The following OXSR1 variants were observed in gnomAD, a reference collection of about 807,000 sequenced individuals.
OXSR1 encodes the protein serine/threonine-protein kinase OSR1.
Under a neutral mutation model 79.8 loss-of-function variants are expected in OXSR1, and 24 were observed. That is an observed-to-expected ratio of 0.30 (90% CI 0.22 to 0.42). The LOEUF (loss-of-function observed/expected upper bound fraction) is 0.42, where lower values mean the gene tolerates loss of function less well. Ranked by LOEUF, OXSR1 falls within the 10% of genes least tolerant of loss-of-function variation. The pLI is 1.00. For synonymous variants in OXSR1, 226 were observed against 209.2 expected (o/e 1.08, Z -0.69); for missense variants, 430 against 618.4 (o/e 0.70, Z 3.23).
At chr3:38,220,422 C>T (rs1180649957) in intron 5 of OXSR1, among the ~76,000 whole-genome samples, 1 of 151,906 alleles carries the variant, frequency 6.6e-6, no homozygotes, top group Non-Finnish European at 1.5e-5. Flanking sequence ...TGGACAAATA[C>T]AGACTCATTT....
chr3:38,210,250 A>G (rs572682530), intron 4 of OXSR1, among the ~76,000 whole-genome samples: 23 of 152,180 alleles, frequency 1.5e-4, no homozygotes, highest in African/African-American at 5.5e-4. Flanking sequence ...TGGGCTATCA[A>G]CTGCACAAGT....
chr3:38,192,181 A>G (rs1489183881), intron 3 of OXSR1, among the ~76,000 whole-genome samples: 1 of 152,156 alleles, frequency 6.6e-6, no homozygotes, highest in Admixed American at 6.5e-5. Context: ...GTTATACTCT[A>G]TTCTTTTTGA....
intron 3 of OXSR1, among the ~76,000 whole-genome samples, chr3:38,195,547 A>T (rs939879553): frequency 1.3e-5 from 2 of 152,252 alleles, no homozygotes; most frequent in Non-Finnish European, 2.9e-5. Context: ...TAACTGTAGT[A>T]GCTAAAGATT....
rs188228722 is a variant in OXSR1 at position 38,180,439 on chromosome 3, A to G, written c.71-2564A>G. ...CTATATACAGACTTTTGTGCCTGGC[A>G]TCCCTTAGTATGTTTTCATAATGCA... On this transcript the variant is annotated intron_variant, in intron 1 of 17. Coordinates refer to ENST00000311806, the MANE Select transcript of OXSR1 (RefSeq NM_005109.3). Among the ~76,000 whole-genome samples, 6 of 151,596 alleles carry G rather than the reference A, an allele frequency of 4.0e-5. No homozygotes were observed. In the East Asian group the frequency reaches 1.2e-3, roughly 29 times the overall value.
intron 1 of OXSR1, among the ~76,000 whole-genome samples, chr3:38,175,214 A>G (rs1405572416): frequency 6.6e-6 from 1 of 152,238 alleles, no homozygotes; most frequent in Non-Finnish European, 1.5e-5. Context: ...ATGGCTGGGC[A>G]CAATTTAGGA....
chr3:38,204,592 G>T (rs918528484), intron 4 of OXSR1, among the ~76,000 whole-genome samples: 1 of 151,672 alleles, frequency 6.6e-6, no homozygotes, highest in Non-Finnish European at 1.5e-5. Context: ...TTAAGGCAAT[G>T]AGTTCCCTTC....
Position 38,252,335 on chromosome 3 carries a change from T to C in OXSR1, c.1452T>C (p.Ala484=). 6.2e-7 allele frequency: 1 copy of C among 1,607,570 alleles called. No homozygotes were observed. ...CTGTTTGTATGATTACAGTGGCAGC[T>C]AATTTGCAGAAAATTGTGGAAGAAC... ...VDGRDLVIVA[A]NLQKIVEEPQ... The change falls in exon 17 of 18, where the codon GCT becomes GCC. Residue 484 remains alanine (A), a synonymous_variant. Coordinates refer to ENST00000311806, the MANE Select transcript of OXSR1 (RefSeq NM_005109.3).
intron 11 of OXSR1, among the ~76,000 whole-genome samples, chr3:38,240,109 G>A (rs1575368947): frequency 6.6e-6 from 1 of 152,162 alleles, no homozygotes. Flanking sequence ...TAACTGTACT[G>A]AAGGGGAATA....
chr3:38,250,256 T>C, intron 15 of OXSR1: 1 of 443,856 alleles, frequency 2.3e-6, no homozygotes, highest in East Asian at 4.3e-5. Flanking sequence ...TACAGCTTAC[T>C]ATAGGCCAGG....
At chr3:38,234,010 A>G (rs1702867463) in intron 10 of OXSR1, among the ~76,000 whole-genome samples, 1 of 152,212 alleles carries the variant, frequency 6.6e-6, no homozygotes, top group Non-Finnish European at 1.5e-5. Flanking sequence ...CTAAAGAATC[A>G]TCATCTTCAA....
chr3:38,230,905 C>T (rs900565633), intron 10 of OXSR1, among the ~76,000 whole-genome samples: 6 of 152,186 alleles, frequency 3.9e-5, no homozygotes, highest in African/African-American at 1.4e-4. Flanking sequence ...ATTAATCTTC[C>T]TGTCCATGAT....
chr3:38,220,066 C>G (rs1045442127), intron 5 of OXSR1, among the ~76,000 whole-genome samples: 6 of 152,004 alleles, frequency 3.9e-5, no homozygotes, highest in Non-Finnish European at 7.4e-5. Flanking sequence ...CTCAGCTTCC[C>G]AAAGTGTTGG....
chr3:38,175,337 G>A (rs901324459), intron 1 of OXSR1, among the ~76,000 whole-genome samples: 10 of 151,912 alleles, frequency 6.6e-5, no homozygotes, highest in East Asian at 1.9e-4. Flanking sequence ...GTGGGGTCTC[G>A]CTCTGTTGCC....
intron 3 of OXSR1, chr3:38,193,150 A>G (rs989983002): frequency 1.4e-5 from 7 of 517,368 alleles, no homozygotes; most frequent in Admixed American, 2.7e-5. Context: ...GAGATGATAC[A>G]TGTAAATCAT....
At chr3:38,201,570 T>A (rs1357604598) in intron 4 of OXSR1, among the ~76,000 whole-genome samples, 1 of 151,522 alleles carries the variant, frequency 6.6e-6, no homozygotes, top group African/African-American at 2.4e-5. Flanking sequence ...ATTAGCTGGG[T>A]GTGGTGGTGG....
At chr3:38,185,004 C>T (rs1482729894) in intron 2 of OXSR1, among the ~76,000 whole-genome samples, 1 of 126,490 alleles carries the variant, frequency 7.9e-6, no homozygotes, top group Non-Finnish European at 1.6e-5. Flanking sequence ...AATGCAGTGG[C>T]GCGATCTCGG....
chr3:38,184,085 C>T (rs774220774), intron 2 of OXSR1, among the ~76,000 whole-genome samples: 22 of 151,896 alleles, frequency 1.4e-4, no homozygotes, highest in Admixed American at 5.2e-4. Flanking sequence ...CTAGAAAGGT[C>T]GGGTATTAGA....
intron 9 of OXSR1, 37 bp from the exon 10 acceptor site, chr3:38,230,328 A>G: frequency 7.2e-7 from 1 of 1,382,840 alleles, no homozygotes. Flanking sequence ...GTACCTTAAA[A>G]ACTTGTAAGA....
At chr3:38,229,534 T>C (rs575414326) in intron 8 of OXSR1, among the ~76,000 whole-genome samples, 153 bp from the exon 9 acceptor site, 1 of 152,298 alleles carries the variant, frequency 6.6e-6, no homozygotes, top group African/African-American at 2.4e-5. Flanking sequence ...CAAGTTTATT[T>C]TACTTTTGCT....
Sources: allele counts gnomAD v4.1 joint callset (sites outside exome capture counted in the v4.1 genomes callset), GRCh38; gene constraint gnomAD v4.1.1; transcripts MANE v1.5; gene names NCBI Gene and HGNC (gene_info 2026-07-23, HGNC 2026-07-21).